Variants in CLUH observed in about 807,000 individuals in gnomAD.
CLUH encodes clustered mitochondria protein homolog.
Under a neutral mutation model 139.3 loss-of-function variants are expected in CLUH, and 77 were observed. The observed-to-expected ratio is 0.55, with a 90% CI of 0.46 to 0.67. The LOEUF is 0.67. Ranked by LOEUF, CLUH falls within the 30% of genes least tolerant of loss-of-function variation. The probability of loss-of-function intolerance (pLI) is 0.00; values close to 1 mark genes in which losing one functional copy is unlikely to be tolerated. For missense variants in CLUH, 1,876 were observed against 1,875.8 expected, an observed-to-expected ratio of 1.00 and a Z score of 0.00; for synonymous variants, 999 against 801.6, an observed-to-expected ratio of 1.25 and a Z score of -4.16.
intron 3 of CLUH, 54 bp from the exon 4 acceptor site, chr17:2,702,111 AC>A: frequency 6.3e-7 from 1 of 1,588,422 alleles, no homozygotes; most frequent in Non-Finnish European, 8.6e-7. Context: ...ACCCTGAACA[AC>A]CTGCCCAGCA....
At chr17:2,710,504 C>A (rs1187853152) in intron 1 of CLUH, among the ~76,000 whole-genome samples, 1 of 152,182 alleles carries the variant, frequency 6.6e-6, no homozygotes, top group Non-Finnish European at 1.5e-5. Flanking sequence ...ACCACAAGTC[C>A]CAACTGAGGA....
In CLUH at chr17:2,692,552, C is replaced by T; in HGVS notation, c.3438+19G>A. 2.5e-6 allele frequency: 4 copies of T among 1,605,672 alleles called. No individual in the cohort carries two copies. The highest frequency in any genetic ancestry group is 2.5e-6 in the Non-Finnish European group (3 of 1,177,050). ...GGGATGGAGCTGGGTCCCTGCCGCCCCCCCGCCCCAGCACTCACGTCCAGC... is the reference window on the plus strand; with the variant it reads ...GGGATGGAGCTGGGTCCCTGCCGCCTCCCCGCCCCAGCACTCACGTCCAGC... On this transcript the variant is annotated intron_variant, in intron 21 of 25. Transcript: ENST00000651024.
rs756876230 is a variant in CLUH, at chr17:2,692,079, T to C, written c.3579A>G (p.Arg1193=). The stretch of plus-strand genomic sequence containing the variant: ...GGAACTCAGCTTTGCTCTCGTAGAC[T>C]CGGGCGACAAGGTGGTGGCTGCCGG... ...KVALSHHLVA[R]VYESKAEFRS... The change falls in exon 23 of 26, where the codon CGA becomes CGG. Residue 1193 remains arginine (R), a synonymous_variant. Coordinates refer to ENST00000651024, the MANE Select transcript of CLUH (RefSeq NM_001366661.1). 5.6e-6 allele frequency: 9 copies of C among 1,602,914 alleles called. No individual in the cohort carries two copies. In the East Asian group the frequency reaches 2.0e-4, roughly 36 times the overall value.
chr17:2,710,583 AGAGGGCCTGAGGAAGATGACGACT>A (rs2070484582), intron 1 of CLUH, among the ~76,000 whole-genome samples: 2 of 152,128 alleles, frequency 1.3e-5, no homozygotes, highest in South Asian at 2.1e-4. Flanking sequence ...CCCAGAGCAA[AGAGGGCCTGAGGAAGATGACGACT>A]GAGGGCCTGG....
chr17:2,691,992 C>G lies in CLUH; in HGVS notation c.3654+12G>C. The G allele has an allele frequency of 7.3e-7, 1 of 1,376,594 alleles. No homozygotes were observed. The highest frequency in any genetic ancestry group is 9.5e-7 in the Non-Finnish European group (1 of 1,049,368). The allele number at this position is 1,376,594 out of a possible 1,614,324, so 85.3% of individuals were successfully genotyped here. A position where few individuals can be genotyped will look rare whatever the true frequency, so the allele number is the denominator to read the frequency against. ...GCCCCGCCCCCGCCCCCGCCACGCC[C>G]CCGCCGCGCACCTGCGTCTTGTAGA... On this transcript the variant is annotated intron_variant, in intron 23 of 25. Coordinates refer to ENST00000651024, the MANE Select transcript of CLUH (RefSeq NM_001366661.1).
chr17:2,696,173 G>T lies in CLUH; in HGVS notation c.2377C>A (p.Gln793Lys). The T allele has an allele frequency of 6.4e-7, 1 of 1,562,818 alleles. No homozygotes were observed. Among genetic ancestry groups the T allele is most frequent in the East Asian group, 2.4e-5 (1 of 41,942 alleles). ...KDAAAFLLSC[Q>K]IPGLVKDCME... The stretch of plus-strand genomic sequence containing the variant: ...CCCTCCCTCACCAAGCCAGGGATCT[G>T]GCAGGAGAGCAGGAAGGCAGCCGCG... Residue 793 changes from glutamine (Q) to lysine (K), a missense_variant, in exon 13 of 26, where the codon CAG (glutamine) becomes AAG (lysine). Transcript: ENST00000651024.
Position 2,691,993 on chromosome 17 carries a change from CCG to C in CLUH, c.3654+9_3654+10del. The C allele has an allele frequency of 7.3e-7, 1 of 1,366,932 alleles. No individual in the cohort carries two copies. Among genetic ancestry groups the C allele is most frequent in the East Asian group, 3.4e-5 (1 of 29,508 alleles). 84.7% of individuals were successfully genotyped at this position (1,366,932 alleles called of 1,614,324 possible). A position where few individuals can be genotyped will look rare whatever the true frequency, so the allele number is the denominator to read the frequency against. ...CCCCGCCCCCGCCCCCGCCACGCCCCCGCCGCGCACCTGCGTCTTGTAGATGG... is the reference window on the plus strand; with the variant it reads ...CCCCGCCCCCGCCCCCGCCACGCCCCCCGCGCACCTGCGTCTTGTAGATGG... On this transcript the variant is annotated intron_variant, in intron 23 of 25. Transcript: ENST00000651024.
In CLUH at chr17:2,698,713, G is replaced by A. The variant is rs542005041; in HGVS notation, c.1267-123C>T. ...GCCTGCCTTGGAAACCCAAGGACCC[G>A]GAGCCTCAGTTTCCTCATATGTAGA... On this transcript the variant is annotated intron_variant, in intron 9 of 25. Transcript: ENST00000651024. 2.7e-5 allele frequency: 24 copies of A among 885,592 alleles called. 1 individual carries two copies. The highest frequency in any genetic ancestry group is 2.4e-4 in the East Asian group (9 of 37,284). 54.9% of individuals were successfully genotyped at this position (885,592 alleles called of 1,614,324 possible). A position where few individuals can be genotyped will look rare whatever the true frequency, so the allele number is the denominator to read the frequency against.
In CLUH at chr17:2,690,703, T is replaced by A; in HGVS notation, c.3938A>T (p.Asp1313Val). The change falls in exon 26 of 26, where the codon GAT becomes GTT. Residue 1313 changes from aspartate (D) to valine (V), a missense_variant. This residue lies in a region of CLUH where 1,454 missense variants were observed against 1,384.4 expected (regional missense o/e 1.05). Transcript: ENST00000651024. ...GGTAGCCATGGGCTCCTCGGCTCTA[T>A]CCCTGTTTCTGCTGGCCTCCTGGAG... Reference protein sequence around the residue: ...HQLQEASRNRDRAEEPMATEP... With the variant: ...HQLQEASRNRVRAEEPMATEP... The A allele has an allele frequency of 1.3e-6, 2 of 1,562,758 alleles. No individual in the cohort carries two copies. Among genetic ancestry groups the A allele is most frequent in the African/African-American group, 1.4e-5 (1 of 71,088 alleles).
chr17:2,691,488 G>A (rs1246791921), intron 25 of CLUH, 121 bp downstream of exon 25: 16 of 957,216 alleles, frequency 1.7e-5, no homozygotes, highest in Non-Finnish European at 2.6e-5. Flanking sequence ...CTGAACCCGG[G>A]AGGCGGAGGC....
Position 2,711,647 on chromosome 17 carries a change from C to G in CLUH, c.15G>C (p.Thr5=). The G allele has an allele frequency of 1.0e-6, 1 of 984,698 alleles. No homozygotes were observed. The highest frequency in any genetic ancestry group is 1.2e-6 in the Non-Finnish European group (1 of 829,616). The allele number at this position is 984,698 out of a possible 1,614,324, so 61.0% of individuals were successfully genotyped here. MVIK[T]DELPAAAPAD... Reference sequence around the variant, plus strand: ...CCGGGGCGGCCGCCGGCAACTCGTCCGTCTTGATAACCATGGTGGCGGGAG... The same window carrying G: ...CCGGGGCGGCCGCCGGCAACTCGTCGGTCTTGATAACCATGGTGGCGGGAG... The change falls in exon 1 of 26, where the codon ACG becomes ACC. Residue 5 remains threonine (T), a synonymous_variant. Coordinates refer to ENST00000651024, the MANE Select transcript of CLUH (RefSeq NM_001366661.1).
chr17:2,694,736 C>T (rs2069862878), intron 16 of CLUH, 121 bp downstream of exon 16: 1 of 1,387,076 alleles, frequency 7.2e-7, no homozygotes, highest in Non-Finnish European at 9.6e-7. Flanking sequence ...TCCACAGCTG[C>T]TCCCTCTTCT....
intron 12 of CLUH, 36 bp from the exon 13 acceptor site, chr17:2,696,295 G>A (rs1427581380): frequency 1.3e-6 from 2 of 1,542,460 alleles, no homozygotes; most frequent in Admixed American, 1.9e-5. Context: ...GAGCCAGGCA[G>A]TGGCAAGACA....
chr17:2,694,674 C>T, intron 16 of CLUH, 110 bp from the exon 17 acceptor site: 1 of 1,331,680 alleles, frequency 7.5e-7, no homozygotes, highest in East Asian at 2.5e-5. Flanking sequence ...CACTGCCCCA[C>T]CCGGCCCCCG....
At chr17:2,701,818 GT>G in intron 4 of CLUH, 81 bp from the exon 5 acceptor site, 4 of 1,574,240 alleles carry the variant, frequency 2.5e-6, no homozygotes, top group Non-Finnish European at 3.4e-6. Flanking sequence ...CGTGGTCCGG[GT>G]GCCTCAGGCC....
chr17:2,691,951 GC>G (rs1297340509), intron 23 of CLUH, 52 bp downstream of exon 23: 26 of 1,098,804 alleles, frequency 2.4e-5, no homozygotes, highest in East Asian at 1.3e-4. Context: ...CCCCGCCCCC[GC>G]CCCGCCACGC....
intron 1 of CLUH, among the ~76,000 whole-genome samples, chr17:2,710,402 G>A (rs1478415153): frequency 2.0e-5 from 3 of 152,226 alleles, no homozygotes; most frequent in South Asian, 2.1e-4. Flanking sequence ...ATGGGAACAG[G>A]GTCAGAGGGC....
chr17:2,710,951 G>A lies in CLUH; in HGVS notation c.100+611C>T, dbSNP rs142623864. 812 of 152,584 alleles carry A rather than the reference G, an allele frequency of 5.3e-3. 3 individuals carry two copies. Among genetic ancestry groups the A allele is most frequent in the African/African-American group, 0.017 (688 of 41,580 alleles). The allele number at this position is 152,584 out of a possible 1,614,324, so 9.5% of individuals were successfully genotyped here. A position where few individuals can be genotyped will look rare whatever the true frequency, so the allele number is the denominator to read the frequency against. On this transcript the variant is annotated intron_variant, in intron 1 of 25. Transcript: ENST00000651024. ...CCCCTACACCAGGTCGGCCGAGCAG[G>A]CCAACACACCTGAGAGTCTCCGCCA... is the stretch of plus-strand genomic sequence containing the variant.
At chr17:2,705,975 C>G (rs2070338396) in intron 1 of CLUH, among the ~76,000 whole-genome samples, 1 of 152,148 alleles carries the variant, frequency 6.6e-6, no homozygotes, top group Non-Finnish European at 1.5e-5. Context: ...CCTTGGCCCC[C>G]AGGATCTGTC....
Sources: gnomAD v4.1 joint callset for allele counts (sites outside exome capture counted in the v4.1 genomes callset) on GRCh38, gnomAD v4.1.1 for gene constraint, gnomAD v4.1.1 regional missense constraint, MANE v1.5 for transcripts, NCBI Gene and HGNC (gene_info 2026-07-23, HGNC 2026-07-21) for gene names.